GALNTL6: variants seen among roughly 807,000 people sequenced by gnomAD.
The protein encoded by GALNTL6 is polypeptide N-acetylgalactosaminyltransferase-like 6.
Under a neutral mutation model 73.7 loss-of-function variants are expected in GALNTL6, and 46 were observed. The observed-to-expected ratio is 0.62, with a 90% CI of 0.49 to 0.80. GALNTL6 has a LOEUF of 0.80. GALNTL6 is among the 30% of genes least tolerant of loss of function. The probability of loss-of-function intolerance (pLI) is 0.00; values close to 1 mark genes in which losing one functional copy is unlikely to be tolerated. For missense variants in GALNTL6, 604 were observed against 755.0 expected (o/e 0.80, Z 2.34); for synonymous variants, 259 against 263.7 (o/e 0.98, Z 0.17).
chr4:171,959,161 C>T (rs1204223843), intron 2 of GALNTL6, among the ~76,000 whole-genome samples: 1 of 152,112 alleles, frequency 6.6e-6, no homozygotes, highest in Non-Finnish European at 1.5e-5. Flanking sequence ...ATTAGAAAGA[C>T]TATCACATTG....
intron 5 of GALNTL6, among the ~76,000 whole-genome samples, chr4:172,377,823 G>A (rs187211429): frequency 2.0e-5 from 3 of 152,108 alleles, no homozygotes; most frequent in African/African-American, 4.8e-5. Context: ...CAGGCTGGCC[G>A]CTCTGAGTGC....
At chr4:172,490,799 A>G (rs1310506840) in intron 5 of GALNTL6, among the ~76,000 whole-genome samples, 2 of 152,152 alleles carry the variant, frequency 1.3e-5, no homozygotes, top group Non-Finnish European at 2.9e-5. Flanking sequence ...AACTTATAAA[A>G]TCTACCTGTG....
intron 2 of GALNTL6, among the ~76,000 whole-genome samples, chr4:171,866,540 C>G (rs7690804): frequency 6.6e-6 from 1 of 152,050 alleles, no homozygotes; most frequent in Non-Finnish European, 1.5e-5. Flanking sequence ...ACCAGAAAGG[C>G]TCATTTGAAA....
intron 2 of GALNTL6, among the ~76,000 whole-genome samples, chr4:172,128,734 C>T (rs891986984): frequency 2.2e-4 from 33 of 152,124 alleles, no homozygotes; most frequent in African/African-American, 7.2e-4. Flanking sequence ...AACATCCAAG[C>T]GGCCTTGGAT....
chr4:172,354,708 A>ATATG (rs1742091402), intron 5 of GALNTL6, among the ~76,000 whole-genome samples: 1 of 152,144 alleles, frequency 6.6e-6, no homozygotes, highest in Non-Finnish European at 1.5e-5. Context: ...CAGTAGCAGA[A>ATATG]TATGCTTGGA....
intron 5 of GALNTL6, among the ~76,000 whole-genome samples, chr4:172,559,058 A>AT (rs71592081): frequency 0.11 from 8,402 of 75,732 alleles, 2,458 homozygotes; most frequent in East Asian, 0.25. Flanking sequence ...ATGATAATGG[A>AT]TTTTTTTTTT....
At chr4:171,983,828 C>T (rs1284639932) in intron 2 of GALNTL6, among the ~76,000 whole-genome samples, 1 of 152,140 alleles carries the variant, frequency 6.6e-6, no homozygotes, top group Non-Finnish European at 1.5e-5. Context: ...ACTGCTGCTG[C>T]TCTCCTCCTT....
chr4:172,486,040 C>G (rs1330566678), intron 5 of GALNTL6, among the ~76,000 whole-genome samples: 3 of 152,088 alleles, frequency 2.0e-5, no homozygotes, highest in Non-Finnish European at 1.5e-5. Flanking sequence ...CAGCAATTAC[C>G]AAGTGACAGG....
chr4:171,877,060 G>A (rs1218146659), intron 2 of GALNTL6, among the ~76,000 whole-genome samples: 1 of 151,994 alleles, frequency 6.6e-6, no homozygotes, highest in East Asian at 1.9e-4. Context: ...AATGTTTATT[G>A]GCTTAAAATG....
chr4:172,453,823 C>G (rs1308653175), intron 5 of GALNTL6, among the ~76,000 whole-genome samples: 1 of 152,070 alleles, frequency 6.6e-6, no homozygotes, highest in Non-Finnish European at 1.5e-5. Context: ...ACTGCGACAC[C>G]CTTAGGAGAG....
chr4:172,074,945 C>T (rs2110909712), intron 2 of GALNTL6, among the ~76,000 whole-genome samples: 1 of 152,162 alleles, frequency 6.6e-6, no homozygotes, highest in East Asian at 1.9e-4. Context: ...GGAAAACTTG[C>T]TTTTCCATTT....
intron 10 of GALNTL6, among the ~76,000 whole-genome samples, chr4:172,965,660 C>T (rs991235578): frequency 1.3e-5 from 2 of 150,374 alleles, no homozygotes; most frequent in Non-Finnish European, 3.0e-5. Context: ...CCCAGACGAG[C>T]AAATTGGACA....
intron 5 of GALNTL6, among the ~76,000 whole-genome samples, chr4:172,422,540 G>A (rs1421584783): frequency 2.0e-5 from 3 of 151,854 alleles, no homozygotes; most frequent in Non-Finnish European, 4.4e-5. Flanking sequence ...CTTCGTTCTT[G>A]ATGTCTTTTT....
intron 5 of GALNTL6, among the ~76,000 whole-genome samples, chr4:172,500,562 A>G (rs1734225435): frequency 6.6e-6 from 1 of 152,054 alleles, no homozygotes; most frequent in African/African-American, 2.4e-5. Flanking sequence ...GTAGCACAAT[A>G]TTTTTCAAAT....
At chr4:172,023,552 T>C (rs1741465877) in intron 2 of GALNTL6, among the ~76,000 whole-genome samples, 1 of 151,876 alleles carries the variant, frequency 6.6e-6, no homozygotes, top group Admixed American at 6.6e-5. Flanking sequence ...TTATTTCAAC[T>C]CTTTCATGCT....
chr4:172,025,271 T>A (rs1560890040), intron 2 of GALNTL6, among the ~76,000 whole-genome samples: 1 of 152,072 alleles, frequency 6.6e-6, no homozygotes, highest in Non-Finnish European at 1.5e-5. Flanking sequence ...TCTTTGCATT[T>A]CTTTTCATTA....
intron 2 of GALNTL6, among the ~76,000 whole-genome samples, chr4:171,856,025 C>A (rs1401919577): frequency 1.3e-5 from 2 of 151,990 alleles, no homozygotes; most frequent in African/African-American, 2.4e-5. Context: ...ATATATTTTG[C>A]AAATAATTTT....
intron 2 of GALNTL6, among the ~76,000 whole-genome samples, chr4:171,822,548 C>A (rs1734713935): frequency 6.6e-6 from 1 of 152,090 alleles, no homozygotes; most frequent in Non-Finnish European, 1.5e-5. Context: ...TTACAAATAG[C>A]AATCTATACT....
chr4:171,884,611 T>C (rs191839149), intron 2 of GALNTL6, among the ~76,000 whole-genome samples: 1 of 152,042 alleles, frequency 6.6e-6, no homozygotes, highest in African/African-American at 2.4e-5. Flanking sequence ...AAATTATATA[T>C]AAAAATATGA....
Sources: gnomAD v4.1 joint callset for allele counts (sites outside exome capture counted in the v4.1 genomes callset) on GRCh38, gnomAD v4.1.1 for gene constraint, MANE v1.5 for transcripts, NCBI Gene and HGNC (gene_info 2026-07-23, HGNC 2026-07-21) for gene names.